Variants in ARSB observed in about 807,000 individuals in gnomAD.
The protein encoded by ARSB is arylsulfatase B.
Under a neutral mutation model 50.9 loss-of-function variants are expected in ARSB, and 41 were observed. The ratio of observed to expected loss-of-function variants is 0.81; its 90% confidence interval spans 0.63 to 1.04. ARSB has a LOEUF of 1.04. Among genes scored for constraint, ARSB ranks in the 50% least tolerant of loss-of-function variants. The pLI is 0.00. For synonymous variants in ARSB, 269 were observed against 284.8 expected (o/e 0.94, Z 0.56); for missense variants, 672 against 693.3 (o/e 0.97, Z 0.35).
chr5:78,866,823 G>C (rs191653496), intron 5 of ARSB, among the ~76,000 whole-genome samples: 1 of 152,236 alleles, frequency 6.6e-6, no homozygotes, highest in African/African-American at 2.4e-5. Flanking sequence ...AGCCAAGATG[G>C]CCGAATAGGG....
chr5:78,781,735 GA>G, intron 7 of ARSB, 116 bp downstream of exon 7: 1 of 1,464,062 alleles, frequency 6.8e-7, no homozygotes, highest in South Asian at 1.2e-5. Flanking sequence ...TCTTTCCAGA[GA>G]AATGGCCGTG....
chr5:78,858,563 A>T (rs1212830035), intron 5 of ARSB, among the ~76,000 whole-genome samples: 1 of 152,202 alleles, frequency 6.6e-6, no homozygotes, highest in African/African-American at 2.4e-5. Context: ...ATTTCCCATA[A>T]ATAAATGAAA....
At chr5:78,944,156 G>T (rs904006183) in intron 4 of ARSB, among the ~76,000 whole-genome samples, 1 of 152,106 alleles carries the variant, frequency 6.6e-6, no homozygotes, top group Non-Finnish European at 1.5e-5. Context: ...TCTCTGCATT[G>T]GTTATTCTAG....
At chr5:78,976,414 G>A (rs1752672182) in intron 1 of ARSB, among the ~76,000 whole-genome samples, 1 of 147,428 alleles carries the variant, frequency 6.8e-6, no homozygotes, top group African/African-American at 2.5e-5. Flanking sequence ...CTACCCCCCT[G>A]CCCCCGGGTC....
rs188588499 is a variant in ARSB at position 78,852,197 on chromosome 5, A to G, written c.1143-12771T>C. 5.5e-4 allele frequency among the ~76,000 whole-genome samples: 83 copies of G among 152,278 alleles called. 1 individual carries two copies. The highest frequency in any genetic ancestry group is 1.8e-3 in the African/African-American group (76 of 41,554). On this transcript the variant is annotated intron_variant, in intron 5 of 7. Transcript: ENST00000264914. ...TTGGCATGATTTTGCAGCGGCTGGTACCGATTGTTCCTTTCCATGTTTAGT... is the reference window on the plus strand; with the variant it reads ...TTGGCATGATTTTGCAGCGGCTGGTGCCGATTGTTCCTTTCCATGTTTAGT...
chr5:78,829,294 T>C (rs1744571908), intron 6 of ARSB, among the ~76,000 whole-genome samples: 1 of 152,244 alleles, frequency 6.6e-6, no homozygotes, highest in Non-Finnish European at 1.5e-5. Flanking sequence ...AGAAAACTAA[T>C]AGTGTTAAAT....
chr5:78,801,706 G>T (rs531095279), intron 6 of ARSB, among the ~76,000 whole-genome samples: 9 of 152,106 alleles, frequency 5.9e-5, no homozygotes, highest in African/African-American at 2.2e-4. Flanking sequence ...ATGTGAGTGC[G>T]GTTGGGAGCA....
At chr5:78,836,467 A>G (rs1159953117) in intron 6 of ARSB, among the ~76,000 whole-genome samples, 2 of 152,238 alleles carry the variant, frequency 1.3e-5, no homozygotes, top group Non-Finnish European at 2.9e-5. Context: ...GCAGAAGGCC[A>G]AAGAGGATGC....
intron 5 of ARSB, among the ~76,000 whole-genome samples, chr5:78,840,981 G>A (rs1745173240): frequency 6.6e-6 from 1 of 152,110 alleles, no homozygotes; most frequent in African/African-American, 2.4e-5. Flanking sequence ...TGATGATGAT[G>A]TCTAATTTGT....
At chr5:78,824,768 C>G (rs1561441900) in intron 6 of ARSB, among the ~76,000 whole-genome samples, 1 of 152,164 alleles carries the variant, frequency 6.6e-6, no homozygotes, top group East Asian at 1.9e-4. Context: ...GAGACAGTAG[C>G]TCATAACTAT....
rs57536545 is a variant in ARSB, at chr5:78,980,744, G to GTGTGTGTGTGTGTGTGTA, written c.312+4192_312+4193insTACACACACACACACACA. ...TAAGGAAGTGTGTGTATGTGTGTGT[G>GTGTGTGTGTGTGTGTGTA]TGTGTGTGTGTTTTGGTAGATTTTC... is the stretch of plus-strand genomic sequence containing the variant. On this transcript the variant is annotated intron_variant, in intron 1 of 7. Transcript: ENST00000264914. Among the ~76,000 whole-genome samples, 1,382 of 151,614 alleles carry GTGTGTGTGTGTGTGTGTA rather than the reference G, an allele frequency of 9.1e-3. 20 individuals carry two copies. The highest frequency in any genetic ancestry group is 0.032 in the African/African-American group (1,312 of 41,368).
At chr5:78,787,138 A>ATCTATCTATCTATCTATCTATC (rs3035252) in intron 6 of ARSB, among the ~76,000 whole-genome samples, 1 of 112,182 alleles carries the variant, frequency 8.9e-6, no homozygotes, top group Non-Finnish European at 1.9e-5. Context: ...ATCTATCTAT[A>ATCTATCTATCTATCTATCTATC]TAGATACAGG....
intron 3 of ARSB, among the ~76,000 whole-genome samples, chr5:78,963,399 C>T (rs1752079733): frequency 6.6e-6 from 1 of 152,170 alleles, no homozygotes; most frequent in Admixed American, 6.5e-5. Context: ...AGACCTGCAC[C>T]AAGGACCTTC....
At chr5:78,862,262 C>T (rs1251816044) in intron 5 of ARSB, among the ~76,000 whole-genome samples, 1 of 152,160 alleles carries the variant, frequency 6.6e-6, no homozygotes, top group Non-Finnish European at 1.5e-5. Context: ...TTGGAAAAAA[C>T]TACTTTAAAG....
intron 4 of ARSB, among the ~76,000 whole-genome samples, chr5:78,887,726 A>T (rs1748102090): frequency 6.6e-6 from 1 of 152,188 alleles, no homozygotes; most frequent in South Asian, 2.1e-4. Context: ...ATAGATGGCA[A>T]TGCTAGGATT....
chr5:78,800,321 TAAA>T (rs780478380), intron 6 of ARSB, among the ~76,000 whole-genome samples: 7 of 121,914 alleles, frequency 5.7e-5, no homozygotes, highest in Non-Finnish European at 7.0e-5. Context: ...CCATCTCAAT[TAAA>T]AAAAAAAAAA....
rs1202418679 is a variant in ARSB, at chr5:78,777,567, A to G, written c.*2830T>C. 1.3e-5 allele frequency: 2 copies of G among 152,560 alleles called. No homozygotes were observed. The highest frequency in any genetic ancestry group is 2.4e-5 in the African/African-American group (1 of 41,412). The allele number at this position is 152,560 out of a possible 1,614,324, so 9.5% of individuals were successfully genotyped here. A position where few individuals can be genotyped will look rare whatever the true frequency, so the allele number is the denominator to read the frequency against. On this transcript the variant is annotated 3_prime_UTR_variant, in exon 8 of 8. Coordinates refer to ENST00000264914, the MANE Select transcript of ARSB (RefSeq NM_000046.5). ...GCAAAACCTTCTGTAAAGGTAAAAAAATTTGCCGGGCACAGTGGCTCACAC... is the reference window on the plus strand; with the variant it reads ...GCAAAACCTTCTGTAAAGGTAAAAAGATTTGCCGGGCACAGTGGCTCACAC...
chr5:78,799,553 A>C (rs1048764113), intron 6 of ARSB, among the ~76,000 whole-genome samples: 2 of 152,204 alleles, frequency 1.3e-5, no homozygotes, highest in African/African-American at 2.4e-5. Flanking sequence ...TACTCACATG[A>C]AGGATGATGT....
intron 5 of ARSB, among the ~76,000 whole-genome samples, chr5:78,852,675 C>G (rs1363356911): frequency 1.3e-5 from 2 of 152,248 alleles, no homozygotes; most frequent in Non-Finnish European, 2.9e-5. Context: ...TCCATTCTCC[C>G]CGTCACTTTC....
Sources: gnomAD v4.1 joint callset for allele counts (sites outside exome capture counted in the v4.1 genomes callset) on GRCh38, gnomAD v4.1.1 for gene constraint, MANE v1.5 for transcripts, NCBI Gene and HGNC (gene_info 2026-07-23, HGNC 2026-07-21) for gene names.